The following NOP9 variants were observed in gnomAD, a reference collection of about 807,000 sequenced individuals.
The protein encoded by NOP9 is nucleolar protein 9.
A neutral mutation model predicts 63.0 loss-of-function variants in NOP9; 50 were observed. The ratio of observed to expected loss-of-function variants is 0.79; its 90% confidence interval spans 0.63 to 1.00. The LOEUF is 1.00. Ranked by LOEUF, NOP9 falls within the 50% of genes least tolerant of loss-of-function variation. The probability of loss-of-function intolerance (pLI) is 0.00; values close to 1 mark genes in which losing one functional copy is unlikely to be tolerated. For synonymous variants in NOP9, 343 were observed against 332.8 expected, an observed-to-expected ratio of 1.03 and a Z score of -0.33; for missense variants, 758 against 803.0, an observed-to-expected ratio of 0.94 and a Z score of 0.68.
rs1413224153 is a variant in NOP9, at chr14:24,307,553, G to A, written c.*2458G>A. On this transcript the variant is annotated 3_prime_UTR_variant, in exon 10 of 10. Coordinates refer to ENST00000267425, the MANE Select transcript of NOP9 (RefSeq NM_174913.3). ...AAGAAAAGTCAAGAAGGGGCGAGGA[G>A]GGGCTTGGTGAGTGTAAAGGGCATG... 1.2e-6 allele frequency: 2 copies of A among 1,602,770 alleles called. No homozygotes were observed. Among genetic ancestry groups the A allele is most frequent in the Admixed American group, 3.4e-5 (2 of 59,428 alleles).
At chr14:24,274,672 G>A in the NOP9 span, among the ~76,000 whole-genome samples, 1 of 150,988 alleles carries the variant, frequency 6.6e-6, no homozygotes, top group Non-Finnish European at 1.5e-5. Flanking sequence ...GTAGTGGTGC[G>A]GTGTCTGCTC....
the NOP9 span, chr14:24,271,232 G>A: frequency 3.8e-6 from 5 of 1,331,362 alleles, no homozygotes; most frequent in East Asian, 7.6e-5. Context: ...AGCTGTGTCC[G>A]GAAGCAGCAA....
rs1484152442 is a variant in NOP9, at chr14:24,301,696, G to C, written c.782G>C (p.Ser261Thr). ...TTTTTGAATCGCCTTCAGGACCTGA[G>C]CTCCTCCTTTCTGAAGGACATTGCA... The part of the protein sequence containing the change: ...ETFLNRLQDL[S>T]SSFLKDIAVF... The change falls in exon 3 of 10, where the codon AGC becomes ACC. Residue 261 changes from serine to threonine, a missense_variant. Coordinates refer to ENST00000267425, the MANE Select transcript of NOP9 (RefSeq NM_174913.3). The C allele has an allele frequency of 6.2e-7, 1 of 1,614,052 alleles. No individual in the cohort carries two copies. Among genetic ancestry groups the C allele is most frequent in the African/African-American group, 1.3e-5 (1 of 74,908 alleles).
the NOP9 span, among the ~76,000 whole-genome samples, chr14:24,290,359 A>G: frequency 5.8e-4 from 88 of 152,276 alleles, no homozygotes; most frequent in Non-Finnish European, 2.1e-4. Flanking sequence ...GAGATGGTGG[A>G]ATGGGGGTGG....
rs148079185 is a variant in NOP9 at position 24,308,860 on chromosome 14, G to A, written c.*3765G>A. On this transcript the variant is annotated 3_prime_UTR_variant, in exon 10 of 10. Transcript: ENST00000267425. ...CAAAGAAACACAGAGTAACTTGATTGCCCTGTGACCTGGCCAGTTGCATTT... is the reference window on the plus strand; with the variant it reads ...CAAAGAAACACAGAGTAACTTGATTACCCTGTGACCTGGCCAGTTGCATTT... 1 of 152,176 alleles carries A rather than the reference G, an allele frequency of 6.6e-6. No individual in the cohort carries two copies. Among genetic ancestry groups the A allele is most frequent in the East Asian group, 1.9e-4 (1 of 5,192 alleles). The allele number at this position is 152,176 out of a possible 1,614,324, so 9.4% of individuals were successfully genotyped here.
chr14:24,304,801 TC>T, intron 9 of NOP9, 136 bp from the exon 10 acceptor site: 4 of 1,098,472 alleles, frequency 3.6e-6, no homozygotes, highest in Non-Finnish European at 3.9e-6. Context: ...CCCTCTGACT[TC>T]TGTTCTTTGG....
At chr14:24,292,954 A>T in the NOP9 span, 1 of 714,590 alleles carries the variant, frequency 1.4e-6, no homozygotes, top group Admixed American at 3.7e-5. Flanking sequence ...TTCTGAGAGG[A>T]AAACTGGTCA....
chr14:24,289,679 C>T, the NOP9 span, among the ~76,000 whole-genome samples: 1 of 152,250 alleles, frequency 6.6e-6, no homozygotes, highest in Non-Finnish European at 1.5e-5. Flanking sequence ...GATAAGCCAG[C>T]CCTCTCTCTA....
chr14:24,307,944 A>G lies in NOP9; in HGVS notation c.*2849A>G. ...GGCTTTAGTGGTGTTTTCTGTTACAAACCTGGGATCTCAGCCCAGGACAAG... is the reference window on the plus strand; with the variant it reads ...GGCTTTAGTGGTGTTTTCTGTTACAGACCTGGGATCTCAGCCCAGGACAAG... On this transcript the variant is annotated 3_prime_UTR_variant, in exon 10 of 10. Coordinates refer to ENST00000267425, the MANE Select transcript of NOP9 (RefSeq NM_174913.3). 6 of 1,244,468 alleles carry G rather than the reference A, an allele frequency of 4.8e-6. No homozygotes were observed. Among genetic ancestry groups the G allele is most frequent in the Admixed American group, 2.0e-5 (1 of 50,514 alleles). The allele number at this position is 1,244,468 out of a possible 1,614,324, so 77.1% of individuals were successfully genotyped here. A position where few individuals can be genotyped will look rare whatever the true frequency, so the allele number is the denominator to read the frequency against.
At chr14:24,291,449 A>G in the NOP9 span, 4 of 1,282,230 alleles carry the variant, frequency 3.1e-6, no homozygotes, top group Non-Finnish European at 4.5e-6. Context: ...CAGAGAAAAG[A>G]ATGACATGTT....
chr14:24,303,352 G>A, intron 6 of NOP9, 138 bp downstream of exon 6: 2 of 1,089,578 alleles, frequency 1.8e-6, no homozygotes, highest in Non-Finnish European at 1.4e-6. Flanking sequence ...GGGGGAAAAT[G>A]AGGCCTATAG....
At chr14:24,277,544 T>C in the NOP9 span, among the ~76,000 whole-genome samples, 1 of 152,212 alleles carries the variant, frequency 6.6e-6, no homozygotes, top group East Asian at 1.9e-4. Flanking sequence ...GGAGAACTTC[T>C]GTGCTCCCGA....
In NOP9 at chr14:24,301,973, A is replaced by T. The variant is rs756152144; in HGVS notation, c.817A>T (p.Thr273Ser). Residue 273 changes from threonine to serine, a missense_variant, in exon 4 of 10, where the codon ACT becomes TCT. Thr to Ser is a moderately conservative substitution (Grantham distance 58). Coordinates refer to ENST00000267425, the MANE Select transcript of NOP9 (RefSeq NM_174913.3). ...CTGCCCTCTCTCCACAGTGTTTATC[A>T]CTGATAAGATCTCCAGCTTCTGTCT... The part of the protein sequence containing the change: ...SFLKDIAVFI[T>S]DKISSFCLQV... The T allele has an allele frequency of 6.2e-7, 1 of 1,613,144 alleles. No homozygotes were observed. Among genetic ancestry groups the T allele is most frequent in the Non-Finnish European group, 8.5e-7 (1 of 1,179,744 alleles).
the NOP9 span, among the ~76,000 whole-genome samples, chr14:24,285,034 A>T: frequency 5.9e-5 from 9 of 152,188 alleles, no homozygotes; most frequent in Non-Finnish European, 1.0e-4. Flanking sequence ...ACCTCGGTCC[A>T]GCCCTGCACC....
chr14:24,291,370 T>C, the NOP9 span: 1 of 1,066,088 alleles, frequency 9.4e-7, no homozygotes, highest in East Asian at 2.4e-5. Flanking sequence ...TTTCCACACT[T>C]CCCAGGAGCC....
At chr14:24,271,835 C>T in the NOP9 span, 1 of 152,202 alleles carries the variant, frequency 6.6e-6, no homozygotes, top group South Asian at 2.1e-4. Context: ...ACCTTCACTA[C>T]TCCACTGACC....
the NOP9 span, chr14:24,291,404 A>C: frequency 1.9e-6 from 2 of 1,072,672 alleles, no homozygotes; most frequent in Non-Finnish European, 2.9e-6. Context: ...CTCAGACCTC[A>C]AACTGGGAAT....
chr14:24,296,434 C>T (rs2041248422), upstream of NOP9: 7 of 1,375,032 alleles, frequency 5.1e-6, no homozygotes, highest in South Asian at 3.5e-5. Context: ...AAGGAGAGGG[C>T]ATGTAAGGAA....
At position 24,305,471 on chromosome 14, in the gene NOP9, G is replaced by A; in HGVS notation, c.*376G>A. The A allele has an allele frequency of 1.2e-6, 1 of 806,170 alleles. No individual in the cohort carries two copies. 49.9% of individuals were successfully genotyped at this position (806,170 alleles called of 1,614,324 possible). A position where few individuals can be genotyped will look rare whatever the true frequency, so the allele number is the denominator to read the frequency against. On this transcript the variant is annotated 3_prime_UTR_variant, in exon 10 of 10. Coordinates refer to ENST00000267425, the MANE Select transcript of NOP9 (RefSeq NM_174913.3). ...GTAAGGGTATAGACTTGGGATGTGA[G>A]GCGTTATGCTGAAAGGTTCTGTCAC...
Sources: allele counts gnomAD v4.1 joint callset (sites outside exome capture counted in the v4.1 genomes callset), GRCh38; gene constraint gnomAD v4.1.1; transcripts MANE v1.5; gene names NCBI Gene and HGNC (gene_info 2026-07-23, HGNC 2026-07-21).